Variants in SLC25A13 observed in about 807,000 individuals in gnomAD.
SLC25A13 encodes the protein electrogenic aspartate/glutamate antiporter SLC25A13, mitochondrial.
In SLC25A13, 70 loss-of-function variants were observed where a neutral mutation model predicts 85.5. The ratio of observed to expected loss-of-function variants is 0.82; its 90% confidence interval spans 0.68 to 1.00. The LOEUF (loss-of-function observed/expected upper bound fraction) is 1.00, where lower values mean the gene tolerates loss of function less well. Among genes scored for constraint, SLC25A13 ranks in the 50% least tolerant of loss-of-function variants. The pLI, the probability that SLC25A13 is intolerant of heterozygous loss-of-function variation, is 0.00. For missense variants in SLC25A13, 765 were observed against 819.8 expected (o/e 0.93, Z 0.82); for synonymous variants, 259 against 288.7 (o/e 0.90, Z 1.04).
chr7:96,219,875 T>C (rs1366237929), intron 4 of SLC25A13: 12 of 405,768 alleles, frequency 3.0e-5, no homozygotes, highest in South Asian at 2.5e-4. Context: ...CTGGCAGATA[T>C]TTAGCGTAAG....
chr7:96,232,666 CAG>C (rs1796593734), intron 4 of SLC25A13, among the ~76,000 whole-genome samples: 2 of 86,216 alleles, frequency 2.3e-5, no homozygotes, highest in Non-Finnish European at 4.9e-5. Flanking sequence ...AAAAAAAAAA[CAG>C]AAAATCTTTT....
intron 3 of SLC25A13, among the ~76,000 whole-genome samples, chr7:96,262,515 C>T (rs1584530168): frequency 1.1e-5 from 1 of 91,344 alleles, no homozygotes; most frequent in Non-Finnish European, 2.4e-5. Flanking sequence ...AAAACTACTC[C>T]TCAGTTTAAA....
At chr7:96,314,971 C>T (rs1486177767) in intron 1 of SLC25A13, among the ~76,000 whole-genome samples, 1 of 152,156 alleles carries the variant, frequency 6.6e-6, no homozygotes, top group East Asian at 1.9e-4. Flanking sequence ...GCTCTGAGAC[C>T]AGGTTTGCTC....
intron 4 of SLC25A13, among the ~76,000 whole-genome samples, 194 bp downstream of exon 4, chr7:96,234,608 C>G: frequency 6.6e-6 from 1 of 152,058 alleles, no homozygotes; most frequent in African/African-American, 2.4e-5. Context: ...ACTACTAAGC[C>G]AGAAACTTGT....
At chr7:96,189,552 C>CAAAAAAAA (rs11335226) in intron 8 of SLC25A13, 29 bp downstream of exon 8, 19 of 1,420,246 alleles carry the variant, frequency 1.3e-5, no homozygotes, top group Middle Eastern at 2.0e-4. Flanking sequence ...AAGCTAATTC[C>CAAAAAAAA]AAAAAAAAAA....
chr7:96,237,118 T>G (rs1208250049), intron 3 of SLC25A13, among the ~76,000 whole-genome samples: 1 of 152,090 alleles, frequency 6.6e-6, no homozygotes, highest in African/African-American at 2.4e-5. Context: ...AACTCCACAC[T>G]CAGAAGCCCT....
intron 3 of SLC25A13, among the ~76,000 whole-genome samples, chr7:96,246,380 C>T (rs1223235364): frequency 6.6e-6 from 1 of 152,140 alleles, no homozygotes; most frequent in Non-Finnish European, 1.5e-5. Context: ...GAACACAATG[C>T]CTTTCTCAAT....
chr7:96,269,971 A>T (rs892788561), intron 3 of SLC25A13, among the ~76,000 whole-genome samples: 3 of 152,210 alleles, frequency 2.0e-5, no homozygotes, highest in Non-Finnish European at 4.4e-5. Flanking sequence ...GGAAGGGGAC[A>T]GTATGGGGAA....
intron 1 of SLC25A13, among the ~76,000 whole-genome samples, chr7:96,297,281 C>G (rs887103547): frequency 1.3e-5 from 2 of 151,834 alleles, no homozygotes; most frequent in African/African-American, 4.8e-5. Context: ...AAACCATGCC[C>G]TTTCACAGGA....
intron 3 of SLC25A13, among the ~76,000 whole-genome samples, chr7:96,237,146 G>A (rs903427317): frequency 2.6e-5 from 4 of 152,218 alleles, no homozygotes; most frequent in African/African-American, 9.6e-5. Context: ...ATCTATGGCT[G>A]TAAGGCTGGT....
chr7:96,238,000 T>C (rs1796807584), intron 3 of SLC25A13, among the ~76,000 whole-genome samples: 1 of 152,104 alleles, frequency 6.6e-6, no homozygotes, highest in Non-Finnish European at 1.5e-5. Flanking sequence ...GATGCTGGTA[T>C]GGGCAGAACT....
intron 2 of SLC25A13, among the ~76,000 whole-genome samples, chr7:96,278,637 C>T (rs1317099349): frequency 2.6e-5 from 4 of 152,108 alleles, no homozygotes; most frequent in African/African-American, 9.7e-5. Context: ...ATGAGATACT[C>T]ATGTCATATA....
chr7:96,217,916 A>G (rs1584469721), intron 4 of SLC25A13, among the ~76,000 whole-genome samples: 1 of 151,520 alleles, frequency 6.6e-6, no homozygotes, highest in Non-Finnish European at 1.5e-5. Flanking sequence ...AAAAAAACAA[A>G]AAACACCTAG....
intron 5 of SLC25A13, among the ~76,000 whole-genome samples, chr7:96,193,605 G>A (rs1281260498): frequency 6.6e-6 from 1 of 152,184 alleles, no homozygotes; most frequent in Non-Finnish European, 1.5e-5. Context: ...CTGCAACCTG[G>A]TACCCAAACA....
At chr7:96,204,889 G>C (rs768984516) in intron 5 of SLC25A13, among the ~76,000 whole-genome samples, 1 of 152,046 alleles carries the variant, frequency 6.6e-6, no homozygotes, top group Non-Finnish European at 1.5e-5. Context: ...AAAAAATACC[G>C]AGTTTTAGGT....
At chr7:96,275,320 A>C (rs1407833102) in intron 3 of SLC25A13, among the ~76,000 whole-genome samples, 1 of 152,252 alleles carries the variant, frequency 6.6e-6, no homozygotes, top group South Asian at 2.1e-4. Flanking sequence ...TGTGGAAGTC[A>C]GTGTGGCAAT....
intron 3 of SLC25A13, among the ~76,000 whole-genome samples, chr7:96,245,944 A>C (rs1194873538): frequency 6.6e-6 from 1 of 152,258 alleles, no homozygotes; most frequent in Non-Finnish European, 1.5e-5. Context: ...TGTTATTAAA[A>C]TGGCAAATGA....
At chr7:96,289,506 T>G (rs897741182) in intron 2 of SLC25A13, among the ~76,000 whole-genome samples, 1 of 152,002 alleles carries the variant, frequency 6.6e-6, no homozygotes, top group Non-Finnish European at 1.5e-5. Flanking sequence ...GCTAAAAACC[T>G]TGAAAAAAAG....
At chr7:96,207,376 C>T (rs1003560346) in intron 5 of SLC25A13, among the ~76,000 whole-genome samples, 5 of 152,116 alleles carry the variant, frequency 3.3e-5, no homozygotes, top group African/African-American at 1.2e-4. Context: ...CACCACAACC[C>T]GTGCACCCTC....
Sources: allele counts gnomAD v4.1 joint callset (sites outside exome capture counted in the v4.1 genomes callset), GRCh38; gene constraint gnomAD v4.1.1; transcripts MANE v1.5; gene names NCBI Gene and HGNC (gene_info 2026-07-23, HGNC 2026-07-21).